Variants in N4BP2 observed in about 807,000 individuals in gnomAD.
The protein encoded by N4BP2 is NEDD4 binding protein 2.
Under a neutral mutation model 152.8 loss-of-function variants are expected in N4BP2, and 91 were observed. That is an observed-to-expected ratio of 0.60 (90% CI 0.50 to 0.71). The LOEUF is 0.71. Ranked by LOEUF, N4BP2 falls within the 30% of genes least tolerant of loss-of-function variation. N4BP2 has a pLI of 0.00. For missense variants in N4BP2, 1,923 were observed against 2,059.1 expected, an observed-to-expected ratio of 0.93 and a Z score of 1.28; for synonymous variants, 646 against 705.3, an observed-to-expected ratio of 0.92 and a Z score of 1.33.
At chr4:40,128,816 G>C (rs1718652694) in intron 12 of N4BP2, among the ~76,000 whole-genome samples, 1 of 150,998 alleles carries the variant, frequency 6.6e-6, no homozygotes, top group Non-Finnish European at 1.5e-5. Context: ...ACAGCACCCA[G>C]CCAGCAATGG....
chr4:40,120,555 G>A lies in N4BP2; in HGVS notation c.2444G>A (p.Ser815Asn). The A allele has an allele frequency of 6.2e-7, 1 of 1,613,968 alleles. No individual in the cohort carries two copies. Among genetic ancestry groups the A allele is most frequent in the African/African-American group, 1.3e-5 (1 of 75,006 alleles). Residue 815 changes from serine to asparagine, a missense_variant, in exon 9 of 18, where the codon AGC (serine) becomes AAC (asparagine). By Grantham distance (46) the Ser-to-Asn change is conservative. Transcript: ENST00000261435. ...ACTGAAAAAACTTCATCCGTACAAA[G>A]CGACAAAAAGTATAATTACCCTCAG... is the stretch of plus-strand genomic sequence containing the variant. ...RKTEKTSSVQ[S>N]DKKYNYPQSH...
intron 1 of N4BP2, among the ~76,000 whole-genome samples, chr4:40,069,941 CCCCAAAAACTCTT>C (rs1342892881): frequency 1.3e-5 from 2 of 151,856 alleles, no homozygotes; most frequent in Admixed American, 1.3e-4. Context: ...CAAACACAAC[CCCCAAAAACTCTT>C]TCTTTGCTTT....
the N4BP2 span, among the ~76,000 whole-genome samples, chr4:40,175,238 C>T: frequency 6.7e-6 from 1 of 150,170 alleles, no homozygotes; most frequent in African/African-American, 2.5e-5. Context: ...ACCCATGTTA[C>T]CCAGGCAGGT....
intron 4 of N4BP2, among the ~76,000 whole-genome samples, chr4:40,105,325 ATTT>A (rs34758221): frequency 5.8e-5 from 8 of 136,884 alleles, no homozygotes; most frequent in Admixed American, 7.4e-5. Context: ...TGTAGTTACA[ATTT>A]TTTTTTTTTT....
the N4BP2 span, among the ~76,000 whole-genome samples, chr4:40,185,493 A>G: frequency 6.6e-6 from 1 of 152,228 alleles, no homozygotes; most frequent in African/African-American, 2.4e-5. Context: ...AGAATTAGAG[A>G]ACAAAAACAA....
downstream of N4BP2, among the ~76,000 whole-genome samples, chr4:40,161,601 CTA>C (rs1721861462): frequency 6.6e-6 from 1 of 151,996 alleles, no homozygotes; most frequent in Non-Finnish European, 1.5e-5. Flanking sequence ...AAAAGGATCT[CTA>C]TTTTTAAAAA....
rs983736438 is a variant in N4BP2 at position 40,063,065 on chromosome 4, A to G, written c.-212+6035A>G. 2.0e-5 allele frequency among the ~76,000 whole-genome samples: 3 copies of G among 152,174 alleles called. No individual in the cohort carries two copies. The South Asian group carries it at 6.2e-4, about 32-fold the overall frequency. On this transcript the variant is annotated intron_variant, in intron 1 of 17. Transcript: ENST00000261435. ...AGAGAGGAAAGGGACATTATATTTG[A>G]TAGATGAAAGTTTTCTAAGCCAGAG...
intron 12 of N4BP2, among the ~76,000 whole-genome samples, chr4:40,126,958 C>T (rs1461330643): frequency 6.6e-6 from 1 of 151,544 alleles, no homozygotes; most frequent in Admixed American, 6.6e-5. Flanking sequence ...AGGGTTTCAC[C>T]ATGTTGGCCA....
intron 1 of N4BP2, among the ~76,000 whole-genome samples, chr4:40,073,180 C>G (rs1371635294): frequency 6.6e-6 from 1 of 152,120 alleles, no homozygotes; most frequent in Non-Finnish European, 1.5e-5. Context: ...GATAAGGTTT[C>G]TCTCATCAAC....
In N4BP2 at chr4:40,154,475, A is replaced by T; in HGVS notation, c.*238A>T. 1 of 403,750 alleles carries T rather than the reference A, an allele frequency of 2.5e-6. No individual in the cohort carries two copies. Among genetic ancestry groups the T allele is most frequent in the South Asian group, 3.8e-5 (1 of 25,986 alleles). 25.0% of individuals were successfully genotyped at this position (403,750 alleles called of 1,614,324 possible). A position where few individuals can be genotyped will look rare whatever the true frequency, so the allele number is the denominator to read the frequency against. ...AAATTTTATTGATTACAAAATATGT[A>T]AGAAAATTATCAGCTACAGTTTTAA... On this transcript the variant is annotated 3_prime_UTR_variant, in exon 18 of 18. Transcript: ENST00000261435.
intron 2 of N4BP2, among the ~76,000 whole-genome samples, chr4:40,093,598 A>G (rs530957465): frequency 7.0e-6 from 1 of 143,786 alleles, no homozygotes; most frequent in East Asian, 2.0e-4. Context: ...TTATTTATTT[A>G]TTTATTATTA....
the N4BP2 span, among the ~76,000 whole-genome samples, chr4:40,188,017 T>A: frequency 6.6e-6 from 1 of 152,138 alleles, no homozygotes; most frequent in African/African-American, 2.4e-5. Context: ...AAGGAAAAGG[T>A]TTCTTCTGGA....
chr4:40,093,246 G>A (rs762893577), intron 2 of N4BP2, among the ~76,000 whole-genome samples: 14 of 151,894 alleles, frequency 9.2e-5, no homozygotes, highest in Non-Finnish European at 1.8e-4. Context: ...GCCTGGCCCC[G>A]GCCTACTCTT....
chr4:40,165,358 C>T, the N4BP2 span, among the ~76,000 whole-genome samples: 7 of 152,126 alleles, frequency 4.6e-5, no homozygotes, highest in Admixed American at 2.0e-4. Flanking sequence ...AAGCAATCCT[C>T]GTGCCTCAGT....
intron 4 of N4BP2, among the ~76,000 whole-genome samples, chr4:40,106,410 G>T (rs1430889947): frequency 6.6e-6 from 1 of 152,042 alleles, no homozygotes; most frequent in Non-Finnish European, 1.5e-5. Context: ...TAAACCCCCT[G>T]GGTTCAAGTG....
chr4:40,107,627 G>T (rs66598411), intron 5 of N4BP2, among the ~76,000 whole-genome samples: 1 of 151,938 alleles, frequency 6.6e-6, no homozygotes, highest in South Asian at 2.1e-4. Context: ...TAGGTGGTCC[G>T]CCTGCCTTGG....
the N4BP2 span, among the ~76,000 whole-genome samples, chr4:40,184,479 G>A: frequency 6.6e-6 from 1 of 151,680 alleles, no homozygotes; most frequent in Non-Finnish European, 1.5e-5. Context: ...AAAATAGATT[G>A]TAATGTTTAT....
chr4:40,071,601 T>C (rs1181076122), intron 1 of N4BP2, among the ~76,000 whole-genome samples: 4 of 152,084 alleles, frequency 2.6e-5, no homozygotes, highest in Non-Finnish European at 5.9e-5. Flanking sequence ...AGTTTTGCTC[T>C]TGTTGCCCAG....
chr4:40,144,404 G>A (rs1032860476), intron 15 of N4BP2, among the ~76,000 whole-genome samples: 2 of 152,176 alleles, frequency 1.3e-5, no homozygotes, highest in African/African-American at 2.4e-5. Flanking sequence ...TTTTGGTTCA[G>A]AAAATGTTAG....
Sources: gnomAD v4.1 joint callset for allele counts (sites outside exome capture counted in the v4.1 genomes callset) on GRCh38, gnomAD v4.1.1 for gene constraint, MANE v1.5 for transcripts, NCBI Gene and HGNC (gene_info 2026-07-23, HGNC 2026-07-21) for gene names.